Variants in PLD5 observed in about 807,000 individuals in gnomAD.
PLD5 encodes phospholipase D family member 5, also known as inactive phospholipase D5.
A neutral mutation model predicts 61.1 loss-of-function variants in PLD5; 36 were observed. That is an observed-to-expected ratio of 0.59 (90% CI 0.45 to 0.78). The LOEUF (loss-of-function observed/expected upper bound fraction) is 0.78, where lower values mean the gene tolerates loss of function less well. Ranked by LOEUF, PLD5 falls within the 30% of genes least tolerant of loss-of-function variation. PLD5 has a pLI of 0.00. For synonymous variants in PLD5, 243 were observed against 242.8 expected (o/e 1.00, Z -0.01); for missense variants, 515 against 644.4 (o/e 0.80, Z 2.17).
At chr1:242,234,400 C>T (rs151123971) in intron 4 of PLD5, among the ~76,000 whole-genome samples, 9 of 152,258 alleles carry the variant, frequency 5.9e-5, no homozygotes, top group African/African-American at 2.2e-4. Context: ...ACCCCTGCTG[C>T]AGGACAAAGA....
At chr1:242,332,240 T>C (rs907809489) in intron 2 of PLD5, among the ~76,000 whole-genome samples, 45 of 152,310 alleles carry the variant, frequency 3.0e-4, no homozygotes, top group Non-Finnish European at 4.6e-4. Context: ...GGCTGCATAG[T>C]ATTTCATGGT....
At chr1:242,213,943 G>T (rs943937991) in intron 5 of PLD5, among the ~76,000 whole-genome samples, 1 of 151,696 alleles carries the variant, frequency 6.6e-6, no homozygotes. Flanking sequence ...CATTCAGGTT[G>T]CAGACAATGT....
At chr1:242,527,323 G>T (rs755636597), upstream of PLD5, among the ~76,000 whole-genome samples, 143 of 151,792 alleles carry the variant, frequency 9.4e-4, no homozygotes, top group South Asian at 1.7e-3. Context: ...TTTAGTAAAG[G>T]CAGGGTTTCA....
At chr1:242,322,414 G>A (rs1658476643) in intron 2 of PLD5, among the ~76,000 whole-genome samples, 1 of 152,164 alleles carries the variant, frequency 6.6e-6, no homozygotes, top group South Asian at 2.1e-4. Flanking sequence ...ATTTAAAGAT[G>A]CCCACAGTTG....
chr1:242,246,766 T>C (rs1394074096), intron 4 of PLD5, among the ~76,000 whole-genome samples: 1 of 152,112 alleles, frequency 6.6e-6, no homozygotes, highest in Non-Finnish European at 1.5e-5. Flanking sequence ...CCAATCTGAG[T>C]GACCATAGCC....
chr1:242,233,733 A>G (rs1285932671), intron 4 of PLD5, among the ~76,000 whole-genome samples: 3 of 152,128 alleles, frequency 2.0e-5, no homozygotes, highest in Non-Finnish European at 4.4e-5. Flanking sequence ...ACACATGAAA[A>G]ATAAGACTGA....
At chr1:242,230,556 A>G (rs752845725) in intron 4 of PLD5, among the ~76,000 whole-genome samples, 2 of 152,206 alleles carry the variant, frequency 1.3e-5, no homozygotes, top group Non-Finnish European at 2.9e-5. Context: ...GTACAGTTCA[A>G]TCAATTTAAT....
At position 242,263,078 on chromosome 1, in the gene PLD5, G is replaced by A. The variant is rs143427330; in HGVS notation, c.607+2259C>T. On this transcript the variant is annotated intron_variant, in intron 4 of 9. Transcript: ENST00000536534. ...CAAAGCATGGGGAGCAAAAGGAACAGGAATGACCTGCACACCACCCGTCAG... is the reference window on the plus strand; with the variant it reads ...CAAAGCATGGGGAGCAAAAGGAACAAGAATGACCTGCACACCACCCGTCAG... Among the ~76,000 whole-genome samples the A allele has an allele frequency of 2.2e-4, 34 of 152,192 alleles. 1 individual carries two copies. Among genetic ancestry groups the A allele is most frequent in the African/African-American group, 7.9e-4 (33 of 41,530 alleles).
At chr1:242,101,446 C>T (rs2148669844) in intron 8 of PLD5, among the ~76,000 whole-genome samples, 1 of 152,170 alleles carries the variant, frequency 6.6e-6, no homozygotes, top group South Asian at 2.1e-4. Flanking sequence ...AATGGCCAGG[C>T]CATGCCTTAG....
chr1:242,481,457 CA>C (rs1439210855), intron 1 of PLD5, among the ~76,000 whole-genome samples: 3 of 152,218 alleles, frequency 2.0e-5, no homozygotes, highest in Non-Finnish European at 4.4e-5. Flanking sequence ...GAGCCTCGCT[CA>C]TTGCTAGCAC....
intron 4 of PLD5, among the ~76,000 whole-genome samples, chr1:242,232,840 C>T (rs573758775): frequency 7.9e-5 from 12 of 152,046 alleles, no homozygotes; most frequent in African/African-American, 2.4e-4. Flanking sequence ...GAGACTCCAT[C>T]TAAAATAAAA....
chr1:242,183,622 G>T lies in PLD5; in HGVS notation c.735+36366C>A, dbSNP rs374112924. ...GCCAAAACAAACACCTAGGCCGGGCGCGGTGGCTCACGCCTGTAATCCCAG... is the reference window on the plus strand; with the variant it reads ...GCCAAAACAAACACCTAGGCCGGGCTCGGTGGCTCACGCCTGTAATCCCAG... On this transcript the variant is annotated intron_variant, in intron 5 of 9. Coordinates refer to ENST00000536534, the MANE Select transcript of PLD5 (RefSeq NM_001372062.1). Among the ~76,000 whole-genome samples the T allele has an allele frequency of 5.4e-4, 82 of 152,280 alleles. 2 individuals carry two copies. In the South Asian group the frequency reaches 0.016, roughly 30 times the overall value.
intron 5 of PLD5, among the ~76,000 whole-genome samples, chr1:242,171,490 G>A (rs1005544708): frequency 3.9e-5 from 6 of 152,042 alleles, no homozygotes; most frequent in Non-Finnish European, 8.8e-5. Context: ...CTACTAATGG[G>A]CAAAATAATC....
intron 1 of PLD5, among the ~76,000 whole-genome samples, chr1:242,420,631 T>G (rs922105403): frequency 2.6e-5 from 4 of 152,096 alleles, no homozygotes; most frequent in African/African-American, 9.7e-5. Context: ...CTTGCATGCC[T>G]CCAACTTCCC....
chr1:242,526,690 C>T (rs2103017719), upstream of PLD5, among the ~76,000 whole-genome samples: 1 of 152,296 alleles, frequency 6.6e-6, no homozygotes, highest in African/African-American at 2.4e-5. Flanking sequence ...TCCCAAAGTG[C>T]TGGGATTACA....
chr1:242,098,004 A>C (rs1660382283), intron 9 of PLD5, among the ~76,000 whole-genome samples: 1 of 152,182 alleles, frequency 6.6e-6, no homozygotes, highest in Non-Finnish European at 1.5e-5. Context: ...TAAATAGGGA[A>C]TCCTTTCCCC....
At chr1:242,258,729 C>G (rs1046268378) in intron 4 of PLD5, among the ~76,000 whole-genome samples, 6 of 152,068 alleles carry the variant, frequency 3.9e-5, no homozygotes, top group Non-Finnish European at 7.4e-5. Flanking sequence ...TGGTAAGCTT[C>G]AAAAACAAGC....
At chr1:242,294,708 G>C (rs1429448260) in intron 2 of PLD5, among the ~76,000 whole-genome samples, 1 of 152,142 alleles carries the variant, frequency 6.6e-6, no homozygotes, top group Non-Finnish European at 1.5e-5. Flanking sequence ...TTAGAGGAGG[G>C]AATCTCAGTG....
chr1:242,171,274 C>A (rs1666729555), intron 5 of PLD5, among the ~76,000 whole-genome samples: 2 of 152,110 alleles, frequency 1.3e-5, no homozygotes, highest in South Asian at 4.1e-4. Context: ...AATTTCATAT[C>A]CAGCCAAACA....
Sources: gnomAD v4.1 joint callset for allele counts (sites outside exome capture counted in the v4.1 genomes callset) on GRCh38, gnomAD v4.1.1 for gene constraint, MANE v1.5 for transcripts, NCBI Gene and HGNC (gene_info 2026-07-23, HGNC 2026-07-21) for gene names.